Variants in ARFGEF3 observed in about 807,000 individuals in gnomAD.
ARFGEF3 encodes ARFGEF family member 3.
In ARFGEF3, 96 loss-of-function variants were observed where a neutral mutation model predicts 221.7. The observed-to-expected ratio is 0.43, with a 90% CI of 0.37 to 0.51. The LOEUF (loss-of-function observed/expected upper bound fraction) is 0.51. ARFGEF3 is among the 20% of genes least tolerant of loss of function. The probability of loss-of-function intolerance (pLI) is 0.00; values close to 1 mark genes in which losing one functional copy is unlikely to be tolerated. For missense variants in ARFGEF3, 2,410 were observed against 2,789.9 expected, an observed-to-expected ratio of 0.86 and a Z score of 3.07; for synonymous variants, 1,145 against 1,126.8, an observed-to-expected ratio of 1.02 and a Z score of -0.32.
At chr6:138,286,608 G>A (rs1446505935) in intron 15 of ARFGEF3, 93 bp from the exon 16 acceptor site, 1 of 946,362 alleles carries the variant, frequency 1.1e-6, no homozygotes, top group Non-Finnish European at 1.7e-6. Context: ...ATGCAACTGA[G>A]TACTGCTCAT....
intron 4 of ARFGEF3, 42 bp from the exon 5 acceptor site, chr6:138,229,742 G>A (rs1016112834): frequency 9.4e-6 from 14 of 1,486,168 alleles, no homozygotes; most frequent in South Asian, 1.1e-5. Flanking sequence ...TTTCCATACT[G>A]TTAACCCCTT....
Position 138,253,951 on chromosome 6 carries a change from T to A in ARFGEF3, c.737T>A (p.Met246Lys). Residue 246 changes from methionine to lysine, a missense_variant, in exon 9 of 34, where the codon ATG becomes AAG. Met to Lys is a moderately conservative substitution (Grantham distance 95). Coordinates refer to ENST00000251691, the MANE Select transcript of ARFGEF3 (RefSeq NM_020340.5). Reference sequence around the variant, plus strand: ...GTGCTCAGCAGCTCCTCCTCCTCCATGCACCTGCACAGGCGCTTCACGGAC... The same window carrying A: ...GTGCTCAGCAGCTCCTCCTCCTCCAAGCACCTGCACAGGCGCTTCACGGAC... ...LSVLSSSSSS[M>K]HLHRRFTDLI... The A allele has an allele frequency of 6.3e-7, 1 of 1,597,228 alleles. No homozygotes were observed. Among genetic ancestry groups the A allele is most frequent in the Non-Finnish European group, 8.5e-7 (1 of 1,172,316 alleles).
intron 10 of ARFGEF3, among the ~76,000 whole-genome samples, chr6:138,259,230 G>T (rs1316976134): frequency 1.3e-5 from 2 of 152,208 alleles, no homozygotes; most frequent in Admixed American, 1.3e-4. Flanking sequence ...GGGTACCCAG[G>T]ATGTTTGTTT....
At chr6:138,215,890 A>AAG (rs61160088) in intron 4 of ARFGEF3, 4,808 of 89,048 alleles carry the variant, frequency 0.054, 241 homozygotes, top group African/African-American at 0.11. Context: ...GTGTGTGTGA[A>AAG]AGAGAGAGAG....
rs538713324 is a variant in ARFGEF3, at chr6:138,297,238, A to T, written c.3648+283A>T. Among the ~76,000 whole-genome samples the T allele has an allele frequency of 9.8e-5, 15 of 152,334 alleles. No individual in the cohort carries two copies. The South Asian group carries it at 2.7e-3, about 27-fold the overall frequency. On this transcript the variant is annotated intron_variant, in intron 21 of 33. Transcript: ENST00000251691. ...ATTTTTATGATCTGGTATCAACCTG[A>T]GCCTGGAACAGAAAGACTGTGGATG...
At chr6:138,279,334 A>G (rs986443935) in intron 13 of ARFGEF3, among the ~76,000 whole-genome samples, 8 of 152,200 alleles carry the variant, frequency 5.3e-5, no homozygotes, top group African/African-American at 1.7e-4. Context: ...GTGCACTTAT[A>G]AAAACTCTTC....
intron 2 of ARFGEF3, among the ~76,000 whole-genome samples, chr6:138,190,522 A>G (rs1042777999): frequency 4.6e-5 from 7 of 152,186 alleles, no homozygotes; most frequent in African/African-American, 1.7e-4. Flanking sequence ...ATGTATTTAA[A>G]CTAGTCTGAT....
At chr6:138,220,703 G>C (rs561767311) in intron 4 of ARFGEF3, among the ~76,000 whole-genome samples, 18 of 152,246 alleles carry the variant, frequency 1.2e-4, no homozygotes, top group Admixed American at 5.2e-4. Context: ...TAATATACTT[G>C]CTAGAAGGAC....
intron 13 of ARFGEF3, among the ~76,000 whole-genome samples, 199 bp downstream of exon 13, chr6:138,278,816 C>T (rs569158832): frequency 2.0e-5 from 3 of 152,254 alleles, no homozygotes; most frequent in East Asian, 1.9e-4. Flanking sequence ...TGCCCAGCAC[C>T]GTGAGCACAG....
chr6:138,204,238 T>TGA (rs201147480), intron 2 of ARFGEF3, among the ~76,000 whole-genome samples: 1,712 of 146,498 alleles, frequency 0.012, 38 homozygotes, highest in African/African-American at 0.04. Context: ...CTTGGGAGGC[T>TGA]GAGGCAGGAG....
chr6:138,233,465 C>T (rs1473683391), intron 5 of ARFGEF3, among the ~76,000 whole-genome samples: 1 of 152,162 alleles, frequency 6.6e-6, no homozygotes, highest in African/African-American at 2.4e-5. Flanking sequence ...CAACCTACGC[C>T]TCCTGGGTTC....
intron 1 of ARFGEF3, among the ~76,000 whole-genome samples, chr6:138,168,354 C>G (rs189288372): frequency 2.2e-4 from 33 of 152,132 alleles, no homozygotes; most frequent in African/African-American, 7.7e-4. Flanking sequence ...AAGGGAGGCT[C>G]CTAGTTGGGA....
rs377150759 is a variant in ARFGEF3 at position 138,298,591 on chromosome 6, T to C, written c.3649-15T>C. 37 of 1,607,544 alleles carry C rather than the reference T, an allele frequency of 2.3e-5. No individual in the cohort carries two copies. The South Asian group carries it at 3.8e-4, about 17-fold the overall frequency. Reference sequence around the variant, plus strand: ...GCTGTCCTGATGGTGAGCCACTCTCTCGTGAATTTTGCAGGCTGCTTGCCA... The same window carrying C: ...GCTGTCCTGATGGTGAGCCACTCTCCCGTGAATTTTGCAGGCTGCTTGCCA... On this transcript the variant is annotated splice_polypyrimidine_tract_variant and intron_variant, in intron 21 of 33. Coordinates refer to ENST00000251691, the MANE Select transcript of ARFGEF3 (RefSeq NM_020340.5).
At chr6:138,330,888 GT>G (rs2114694376) in intron 32 of ARFGEF3, among the ~76,000 whole-genome samples, 1 of 145,532 alleles carries the variant, frequency 6.9e-6, no homozygotes, top group South Asian at 2.1e-4. Context: ...ATTCTAGCCC[GT>G]TTCCCTCAAC....
chr6:138,244,521 T>G (rs1477837484), intron 7 of ARFGEF3, among the ~76,000 whole-genome samples: 1 of 152,262 alleles, frequency 6.6e-6, no homozygotes, highest in Non-Finnish European at 1.5e-5. Context: ...GTTTTCGATA[T>G]GTAGTTGAAC....
chr6:138,268,158 G>A lies in ARFGEF3; in HGVS notation c.2128+4547G>A, dbSNP rs145551286. 3.0e-3 allele frequency among the ~76,000 whole-genome samples: 458 copies of A among 152,320 alleles called. 1 individual carries two copies. The highest frequency in any genetic ancestry group is 5.9e-3 in the Admixed American group (90 of 15,292). ...CATGTCCTCTTGCCCCCTTGCAAGT[G>A]CCACTTCCATGATTAAAAATTAACA... On this transcript the variant is annotated intron_variant, in intron 12 of 33. Transcript: ENST00000251691.
rs1029965075 is a variant in ARFGEF3 at position 138,342,130 on chromosome 6, A to T, written c.*5644A>T. 1 of 152,168 alleles carries T rather than the reference A, an allele frequency of 6.6e-6. No homozygotes were observed. The highest frequency in any genetic ancestry group is 1.5e-5 in the Non-Finnish European group (1 of 68,036). The allele number at this position is 152,168 out of a possible 1,614,324, so 9.4% of individuals were successfully genotyped here. A position where few individuals can be genotyped will look rare whatever the true frequency, so the allele number is the denominator to read the frequency against. On this transcript the variant is annotated 3_prime_UTR_variant, in exon 34 of 34. Transcript: ENST00000251691. ...TTGTCTAGTATCTTCTGTCTTTAGA[A>T]CAGTGGTTCTCAAACTTTAGTACAC...
intron 31 of ARFGEF3, 56 bp downstream of exon 31, chr6:138,324,210 G>A (rs1780089573): frequency 6.3e-7 from 1 of 1,575,564 alleles, no homozygotes; most frequent in Admixed American, 1.8e-5. Flanking sequence ...TGCATGTTGG[G>A]AGACCTTCCT....
intron 24 of ARFGEF3, among the ~76,000 whole-genome samples, chr6:138,309,918 G>A (rs940783724): frequency 6.6e-6 from 1 of 152,158 alleles, no homozygotes; most frequent in Non-Finnish European, 1.5e-5. Flanking sequence ...TGATTCAAAT[G>A]CCAGCCTCTT....
Sources: allele counts gnomAD v4.1 joint callset (sites outside exome capture counted in the v4.1 genomes callset), GRCh38; gene constraint gnomAD v4.1.1; transcripts MANE v1.5; gene names NCBI Gene and HGNC (gene_info 2026-07-23, HGNC 2026-07-21).